PTPRM: variants seen among roughly 807,000 people sequenced by gnomAD.
PTPRM encodes protein tyrosine phosphatase receptor type M.
Under a neutral mutation model 186.7 loss-of-function variants are expected in PTPRM, and 47 were observed. The observed-to-expected ratio is 0.25, with a 90% CI of 0.20 to 0.32. The LOEUF (loss-of-function observed/expected upper bound fraction) is 0.32. PTPRM is among the 10% of genes least tolerant of loss of function. The pLI is 1.00. For missense variants in PTPRM, 1,494 were observed against 1,865.0 expected, an observed-to-expected ratio of 0.80 and a Z score of 3.66; for synonymous variants, 668 against 674.9, an observed-to-expected ratio of 0.99 and a Z score of 0.16.
intron 1 of PTPRM, among the ~76,000 whole-genome samples, chr18:7,637,184 A>AC (rs1270465802): frequency 2.0e-3 from 300 of 151,906 alleles, no homozygotes; most frequent in African/African-American, 6.9e-3. Context: ...AAAAAAAAAA[A>AC]AACAGTGTAA....
intron 14 of PTPRM, among the ~76,000 whole-genome samples, chr18:8,151,985 C>A (rs571414835): frequency 1.3e-5 from 2 of 152,268 alleles, no homozygotes; most frequent in Admixed American, 1.3e-4. Context: ...ATGGGCTGCA[C>A]CCACTGTCCA....
At chr18:8,100,100 G>A (rs1328217175) in intron 11 of PTPRM, among the ~76,000 whole-genome samples, 2 of 151,890 alleles carry the variant, frequency 1.3e-5, no homozygotes, top group Non-Finnish European at 2.9e-5. Context: ...CAGGAGCAAG[G>A]CAGAGAGTGA....
At chr18:8,123,800 A>C (rs369828009) in intron 13 of PTPRM, among the ~76,000 whole-genome samples, 1 of 152,166 alleles carries the variant, frequency 6.6e-6, no homozygotes, top group African/African-American at 2.4e-5. Flanking sequence ...ATCCTTCAGC[A>C]ACTCTGACCA....
intron 7 of PTPRM, among the ~76,000 whole-genome samples, chr18:7,982,238 T>C (rs2082592758): frequency 6.6e-6 from 1 of 152,062 alleles, no homozygotes. Context: ...ATATTTTCTT[T>C]TTTATATTCT....
chr18:7,956,770 A>G (rs2147130538), intron 7 of PTPRM, among the ~76,000 whole-genome samples: 1 of 152,334 alleles, frequency 6.6e-6, no homozygotes, highest in Admixed American at 6.5e-5. Context: ...AATAAATTCC[A>G]TCATTGTTGT....
chr18:8,382,581 G>A (rs532549775), intron 29 of PTPRM, among the ~76,000 whole-genome samples: 4 of 152,196 alleles, frequency 2.6e-5, no homozygotes, highest in African/African-American at 4.8e-5. Flanking sequence ...AATATTTCAC[G>A]GAAGCATTAT....
At chr18:7,625,937 C>T (rs1165712224) in intron 1 of PTPRM, among the ~76,000 whole-genome samples, 2 of 152,182 alleles carry the variant, frequency 1.3e-5, no homozygotes, top group Admixed American at 6.5e-5. Context: ...CATTGGGGCC[C>T]ATGAGCCTGG....
At chr18:8,119,654 C>T (rs16952897) in intron 13 of PTPRM, among the ~76,000 whole-genome samples, 3,266 of 152,028 alleles carry the variant, frequency 0.021, 107 homozygotes, top group African/African-American at 0.075. Flanking sequence ...GAAAAGAATC[C>T]GGAAAAACCC....
intron 2 of PTPRM, chr18:7,814,401 G>A (rs925989098): frequency 3.3e-5 from 5 of 152,314 alleles, no homozygotes; most frequent in Admixed American, 3.3e-4. Context: ...TCCCACTGTG[G>A]GCAATAAGAA....
intron 23 of PTPRM, among the ~76,000 whole-genome samples, chr18:8,367,647 C>T (rs1289441087): frequency 1.3e-5 from 2 of 152,260 alleles, no homozygotes; most frequent in Non-Finnish European, 2.9e-5. Context: ...GGGGGGACAG[C>T]CAGCCCGAGA....
chr18:7,824,226 C>T (rs561772767), intron 2 of PTPRM, among the ~76,000 whole-genome samples: 9 of 152,276 alleles, frequency 5.9e-5, no homozygotes, highest in Non-Finnish European at 1.3e-4. Context: ...TGAGTTAGTC[C>T]CACTTTCCTG....
At chr18:8,039,035 A>T (rs12968811) in intron 7 of PTPRM, among the ~76,000 whole-genome samples, 15,556 of 152,140 alleles carry the variant, frequency 0.1, 1,111 homozygotes, top group Non-Finnish European at 0.16. Context: ...TTATGATTTT[A>T]TGCAACTCAG....
intron 1 of PTPRM, among the ~76,000 whole-genome samples, chr18:7,773,086 T>C (rs536473862): frequency 1.3e-5 from 2 of 152,240 alleles, no homozygotes; most frequent in South Asian, 4.1e-4. Context: ...AATTACTATG[T>C]ATATTTTGCA....
intron 31 of PTPRM, among the ~76,000 whole-genome samples, chr18:8,391,334 G>A (rs2095810959): frequency 6.6e-6 from 1 of 152,162 alleles, no homozygotes; most frequent in African/African-American, 2.4e-5. Context: ...TTTAAAAACT[G>A]GAAACAGCCC....
chr18:7,841,560 C>CT (rs2046327820), intron 2 of PTPRM, among the ~76,000 whole-genome samples: 1 of 152,124 alleles, frequency 6.6e-6, no homozygotes, highest in Non-Finnish European at 1.5e-5. Context: ...TCCCAAAGTG[C>CT]TGGGATTACA....
chr18:8,039,470 A>G (rs920155169), intron 7 of PTPRM, among the ~76,000 whole-genome samples: 4 of 152,202 alleles, frequency 2.6e-5, no homozygotes, highest in African/African-American at 9.6e-5. Flanking sequence ...AAAAAATGGT[A>G]GGGATTATCT....
At chr18:7,827,947 A>G (rs1156587949) in intron 2 of PTPRM, among the ~76,000 whole-genome samples, 1 of 152,236 alleles carries the variant, frequency 6.6e-6, no homozygotes, top group Non-Finnish European at 1.5e-5. Context: ...GAGGCACTGG[A>G]TAATGCCCAT....
At chr18:8,305,322 A>G (rs1568708808) in intron 20 of PTPRM, among the ~76,000 whole-genome samples, 1 of 152,240 alleles carries the variant, frequency 6.6e-6, no homozygotes, top group Non-Finnish European at 1.5e-5. Flanking sequence ...CAAAAATGAA[A>G]TAGTGCAGAT....
At chr18:7,748,460 C>T (rs561551749) in intron 1 of PTPRM, among the ~76,000 whole-genome samples, 1 of 152,150 alleles carries the variant, frequency 6.6e-6, no homozygotes, top group South Asian at 2.1e-4. Flanking sequence ...TGGCTGGAGC[C>T]CCCTCCTGAC....
Sources: gnomAD v4.1 joint callset for allele counts (sites outside exome capture counted in the v4.1 genomes callset) on GRCh38, gnomAD v4.1.1 for gene constraint, MANE v1.5 for transcripts, NCBI Gene and HGNC (gene_info 2026-07-23, HGNC 2026-07-21) for gene names.